The following FBN2 variants were observed in gnomAD, a reference collection of about 807,000 sequenced individuals.
FBN2 encodes fibrillin 2.
A neutral mutation model predicts 355.6 loss-of-function variants in FBN2; 105 were observed. The ratio of observed to expected loss-of-function variants is 0.30; its 90% CI spans 0.25 to 0.35. FBN2 has a LOEUF of 0.35. Among genes scored for constraint, FBN2 ranks in the 10% least tolerant of loss-of-function variants. The probability of loss-of-function intolerance (pLI) is 1.00; values close to 1 mark genes in which losing one functional copy is unlikely to be tolerated. For missense variants in FBN2, 3,280 were observed against 3,758.7 expected (o/e 0.87, Z 3.33); for synonymous variants, 1,350 against 1,301.2 (o/e 1.04, Z -0.81).
At chr5:128,263,394 C>T in intron 63 of FBN2, 31 bp downstream of exon 63, 1 of 1,525,664 alleles carries the variant, frequency 6.6e-7, no homozygotes, top group Non-Finnish European at 9.1e-7. Context: ...CCATGTATTC[C>T]TCTATGTGCT....
At chr5:128,436,424 T>C (rs138623372) in intron 7 of FBN2, among the ~76,000 whole-genome samples, 2 of 152,296 alleles carry the variant, frequency 1.3e-5, no homozygotes, top group East Asian at 1.9e-4. Context: ...TAACTGTTGA[T>C]ATATATTCTC....
intron 8 of FBN2, among the ~76,000 whole-genome samples, chr5:128,396,458 C>T (rs886181191): frequency 6.6e-6 from 1 of 152,014 alleles, no homozygotes; most frequent in Non-Finnish European, 1.5e-5. Context: ...AATAAGGTGA[C>T]CACTCAGAGG....
chr5:128,406,599 A>C (rs796368928), intron 8 of FBN2, among the ~76,000 whole-genome samples: 56 of 152,306 alleles, frequency 3.7e-4, no homozygotes, highest in African/African-American at 1.3e-3. Context: ...CGATACTGTC[A>C]GTTGGTCTGA....
intron 25 of FBN2, among the ~76,000 whole-genome samples, chr5:128,343,023 C>T (rs1045372234): frequency 1.3e-5 from 2 of 152,048 alleles, no homozygotes; most frequent in Non-Finnish European, 2.9e-5. Flanking sequence ...CCACCATGCC[C>T]AGCGGGATAA....
chr5:128,273,827 C>G lies in FBN2; in HGVS notation c.7840+13G>C. The G allele has an allele frequency of 6.2e-7, 1 of 1,613,206 alleles. No homozygotes were observed. Among genetic ancestry groups the G allele is most frequent in the East Asian group, 2.2e-5 (1 of 44,844 alleles). On this transcript the variant is annotated intron_variant, in intron 61 of 64. Transcript: ENST00000262464. ...TGTTATTAGATTAAGAATTTTTGAG[C>G]AAATCAACTAACCTTCACAGTTCAG...
rs368788047 is a variant in FBN2, at chr5:128,440,550, C to T, written c.952+5931G>A. Among the ~76,000 whole-genome samples the T allele has an allele frequency of 2.6e-5, 4 of 152,084 alleles. No individual in the cohort carries two copies. The East Asian group carries it at 7.7e-4, about 29-fold the overall frequency. On this transcript the variant is annotated intron_variant, in intron 7 of 64. Coordinates refer to ENST00000262464, the MANE Select transcript of FBN2 (RefSeq NM_001999.4). Reference sequence around the variant, plus strand: ...CGAGAACAGCAAGGAAGAAATCTGCCCCCATGATCTAATCACCTCCCACAA... The same window carrying T: ...CGAGAACAGCAAGGAAGAAATCTGCTCCCATGATCTAATCACCTCCCACAA...
chr5:128,530,796 G>A, intron 2 of FBN2, 103 bp from the exon 3 acceptor site: 1 of 762,540 alleles, frequency 1.3e-6, no homozygotes, highest in Non-Finnish European at 2.2e-6. Flanking sequence ...GAAAAACTAA[G>A]ATAAAATATA....
rs869186696 is a variant in FBN2 at position 128,416,026 on chromosome 5, CT to C, written c.953-7228del. The stretch of plus-strand genomic sequence containing the variant: ...TTCTGAGAAATGTCCATAGTTTGCA[CT>C]TTTTTTTTTTTTTTTTTAGACAGAG... On this transcript the variant is annotated intron_variant, in intron 7 of 64. Transcript: ENST00000262464. 6.3e-3 allele frequency among the ~76,000 whole-genome samples: 840 copies of C among 132,392 alleles called. 2 individuals carry two copies. The highest frequency in any genetic ancestry group is 8.4e-3 in the Non-Finnish European group (509 of 60,870). The allele number at this position is 132,392 out of a possible 152,430, so 86.9% of individuals were successfully genotyped here. A position where few individuals can be genotyped will look rare whatever the true frequency, so the allele number is the denominator to read the frequency against.
chr5:128,263,368 T>C (rs972307802), intron 63 of FBN2, 57 bp downstream of exon 63: 4 of 1,353,430 alleles, frequency 3.0e-6, no homozygotes, highest in Non-Finnish European at 3.2e-6. Context: ...GGGGGTGGCC[T>C]GAACTCACTC....
At position 128,501,375 on chromosome 5, in the gene FBN2, C is replaced by G. The variant is rs537917698; in HGVS notation, c.628+17898G>C. Among the ~76,000 whole-genome samples, 8 of 152,172 alleles carry G rather than the reference C, an allele frequency of 5.3e-5. No homozygotes were observed. The East Asian group carries it at 5.8e-4, about 11-fold the overall frequency. On this transcript the variant is annotated intron_variant, in intron 5 of 64. Transcript: ENST00000262464. ...GCACTTGAAATACCTGGCTCTCAAA[C>G]AGGAGCTAGGGAAGGAAAACAATCC...
chr5:128,305,529 G>A lies in FBN2; in HGVS notation c.5656C>T (p.Pro1886Ser), dbSNP rs1243872264. ...TTCTTACCTACACAGGCCCCATTGG[G>A]TGAAAGTTTGAAACCCGCGGCACAT... ...CECAAGFKLS[P>S]NGACVDRNEC... Residue 1886 changes from proline to serine, a missense_variant, in exon 44 of 65, where the codon CCC becomes TCC. By Grantham distance (74) the Pro-to-Ser change is moderately conservative. Coordinates refer to ENST00000262464, the MANE Select transcript of FBN2 (RefSeq NM_001999.4). The A allele has an allele frequency of 1.2e-6, 2 of 1,614,034 alleles. No homozygotes were observed. Among genetic ancestry groups the A allele is most frequent in the South Asian group, 1.1e-5 (1 of 91,086 alleles).
intron 61 of FBN2, 118 bp downstream of exon 61, chr5:128,273,722 C>T: frequency 1.0e-6 from 1 of 1,002,450 alleles, no homozygotes. Flanking sequence ...GTTGCTGGGT[C>T]CTATTTTGTT....
At chr5:128,312,912 C>T (rs1020330412) in intron 36 of FBN2, 117 bp from the exon 37 acceptor site, 223 of 1,135,402 alleles carry the variant, frequency 2.0e-4, no homozygotes, top group South Asian at 9.9e-5. Context: ...TGAAAGGTTC[C>T]TTTTAATCCT....
chr5:128,534,097 TC>T (rs1253609103), intron 2 of FBN2, among the ~76,000 whole-genome samples: 2 of 152,192 alleles, frequency 1.3e-5, no homozygotes, highest in African/African-American at 4.8e-5. Flanking sequence ...TTTTTATTTT[TC>T]TATATTAAAA....
intron 7 of FBN2, chr5:128,446,122 A>G (rs1754057892): frequency 4.0e-6 from 1 of 248,918 alleles, no homozygotes; most frequent in Non-Finnish European, 8.1e-6. Context: ...TTTACACATG[A>G]TACTGTATTT....
At chr5:128,502,744 T>A (rs1189594568) in intron 5 of FBN2, among the ~76,000 whole-genome samples, 1 of 152,230 alleles carries the variant, frequency 6.6e-6, no homozygotes, top group Non-Finnish European at 1.5e-5. Flanking sequence ...GGAAGTGGTT[T>A]ATATAATGTT....
chr5:128,361,440 T>C (rs1407710594), intron 19 of FBN2, among the ~76,000 whole-genome samples: 1 of 152,186 alleles, frequency 6.6e-6, no homozygotes, highest in Non-Finnish European at 1.5e-5. Flanking sequence ...TTTCAGCAAG[T>C]AAAACAATAT....
chr5:128,440,638 A>G (rs1215479631), intron 7 of FBN2, among the ~76,000 whole-genome samples: 1 of 152,224 alleles, frequency 6.6e-6, no homozygotes, highest in African/African-American at 2.4e-5. Flanking sequence ...ACGTAGGGCC[A>G]AGCCATATCA....
chr5:128,276,116 A>C lies in FBN2; in HGVS notation c.7516T>G (p.Cys2506Gly). 6.2e-7 allele frequency: 1 copy of C among 1,613,820 alleles called. No homozygotes were observed. Among genetic ancestry groups the C allele is most frequent in the Non-Finnish European group, 8.5e-7 (1 of 1,179,742 alleles). Residue 2506 changes from cysteine to glycine, a missense_variant, in exon 59 of 65, where the codon TGC becomes GGC. Physicochemically the swap from Cys to Gly is radical, Grantham distance 159. Coordinates refer to ENST00000262464, the MANE Select transcript of FBN2 (RefSeq NM_001999.4). Reference protein sequence around the residue: ...SQSPKPCNYICKNTEGSYQCS... With the variant: ...SQSPKPCNYIGKNTEGSYQCS... The stretch of plus-strand genomic sequence containing the variant: ...TGATAACTCCCCTCAGTGTTCTTGC[A>C]GATGTAGTTGCATGGTTTCGGGGAC...
Sources: allele counts gnomAD v4.1 joint callset (sites outside exome capture counted in the v4.1 genomes callset), GRCh38; gene constraint gnomAD v4.1.1; transcripts MANE v1.5; gene names NCBI Gene and HGNC (gene_info 2026-07-23, HGNC 2026-07-21).